The following NBAS variants were observed in gnomAD, a reference collection of about 807,000 sequenced individuals.
NBAS encodes NAG/BC035112 fusion.
A neutral mutation model predicts 302.5 loss-of-function variants in NBAS; 219 were observed. That is an observed-to-expected ratio of 0.72 (90% CI 0.65 to 0.81). NBAS has a LOEUF of 0.81. NBAS is among the 30% of genes least tolerant of loss of function. The probability of loss-of-function intolerance (pLI) is 0.00; values close to 1 mark genes in which losing one functional copy is unlikely to be tolerated. For missense variants in NBAS, 2,932 were observed against 2,841.6 expected, an observed-to-expected ratio of 1.03 and a Z score of -0.72; for synonymous variants, 1,118 against 1,021.6, an observed-to-expected ratio of 1.09 and a Z score of -1.80.
chr2:15,311,218 G>A lies in NBAS; in HGVS notation c.4583-1971C>T, dbSNP rs544375368. ...ATACTCATATTAAGTGAGATAAGCA[G>A]ACTATAAAGTAGCCTCATGTCAGTT... On this transcript the variant is annotated intron_variant, in intron 38 of 51. Coordinates refer to ENST00000281513, the MANE Select transcript of NBAS (RefSeq NM_015909.4). Among the ~76,000 whole-genome samples the A allele has an allele frequency of 9.2e-5, 14 of 152,326 alleles. No homozygotes were observed. In the South Asian group the frequency reaches 2.9e-3, roughly 32 times the overall value.
At chr2:15,496,407 C>T (rs187880997) in intron 11 of NBAS, among the ~76,000 whole-genome samples, 5 of 152,208 alleles carry the variant, frequency 3.3e-5, no homozygotes, top group Admixed American at 2.6e-4. Context: ...TTCTTGAAAT[C>T]ATTGCACAGT....
intron 48 of NBAS, among the ~76,000 whole-genome samples, chr2:15,213,690 A>G (rs1666526106): frequency 6.6e-6 from 1 of 152,192 alleles, no homozygotes; most frequent in Non-Finnish European, 1.5e-5. Flanking sequence ...ACTTTGCAAG[A>G]CAGTTTTAAA....
intron 38 of NBAS, among the ~76,000 whole-genome samples, chr2:15,327,325 A>G (rs759315242): frequency 5.9e-5 from 9 of 152,228 alleles, no homozygotes; most frequent in Non-Finnish European, 7.3e-5. Context: ...TGTCTTCGGT[A>G]AACTTGCATG....
the NBAS span, among the ~76,000 whole-genome samples, chr2:15,116,002 T>C: frequency 6.6e-6 from 1 of 152,188 alleles, no homozygotes; most frequent in Non-Finnish European, 1.5e-5. Context: ...TTAGTTCTCA[T>C]GCAACATCAT....
At chr2:15,240,060 G>C (rs1667790312) in intron 44 of NBAS, among the ~76,000 whole-genome samples, 1 of 152,112 alleles carries the variant, frequency 6.6e-6, no homozygotes. Context: ...GTAGTCTTCT[G>C]TCAGCTACTC....
At chr2:14,873,507 G>C in the NBAS span, among the ~76,000 whole-genome samples, 1 of 152,156 alleles carries the variant, frequency 6.6e-6, no homozygotes, top group Non-Finnish European at 1.5e-5. Flanking sequence ...GTGAGCCACT[G>C]TGCCTGGCCA....
At chr2:15,426,674 G>A (rs1398033597) in intron 22 of NBAS, among the ~76,000 whole-genome samples, 73 of 152,068 alleles carry the variant, frequency 4.8e-4, no homozygotes, top group Non-Finnish European at 4.4e-5. Context: ...TTATCTCCAG[G>A]TAATATTAAT....
chr2:15,547,393 A>G (rs532535247), intron 6 of NBAS, among the ~76,000 whole-genome samples: 1 of 152,360 alleles, frequency 6.6e-6, no homozygotes, highest in South Asian at 2.1e-4. Flanking sequence ...TGAAATGGAA[A>G]GAAGCCATTA....
chr2:15,099,145 A>G, the NBAS span, among the ~76,000 whole-genome samples: 5 of 152,126 alleles, frequency 3.3e-5, no homozygotes, highest in Admixed American at 3.3e-4. Flanking sequence ...TCTACTAAAA[A>G]TACAAAAATT....
the NBAS span, among the ~76,000 whole-genome samples, chr2:15,031,289 T>G: frequency 6.6e-6 from 1 of 152,180 alleles, no homozygotes; most frequent in Non-Finnish European, 1.5e-5. Context: ...GACAAGTTGT[T>G]TAGCATCTCT....
intron 19 of NBAS, 116 bp downstream of exon 19, chr2:15,467,213 A>G: frequency 1.3e-6 from 1 of 789,488 alleles, no homozygotes; most frequent in Admixed American, 2.4e-5. Flanking sequence ...ATAAGAAATT[A>G]ATTTTTCCCA....
intron 44 of NBAS, among the ~76,000 whole-genome samples, chr2:15,274,737 G>T (rs540097249): frequency 2.6e-5 from 4 of 152,028 alleles, no homozygotes; most frequent in East Asian, 3.9e-4. Flanking sequence ...GATATATACT[G>T]CATGATATGA....
intron 44 of NBAS, among the ~76,000 whole-genome samples, chr2:15,250,882 ATGTGGAAAACAG>A (rs1243083825): frequency 2.0e-5 from 3 of 152,186 alleles, no homozygotes; most frequent in Non-Finnish European, 4.4e-5. Context: ...TAGTTCGACC[ATGTGGAAAACAG>A]TGTGGCAATT....
the NBAS span, among the ~76,000 whole-genome samples, chr2:14,913,932 G>A: frequency 1.3e-5 from 2 of 152,172 alleles, no homozygotes; most frequent in South Asian, 4.1e-4. Context: ...TTTTCACACT[G>A]TTGATAAAGA....
intron 48 of NBAS, among the ~76,000 whole-genome samples, chr2:15,213,028 A>G (rs1216842749): frequency 6.6e-6 from 1 of 152,166 alleles, no homozygotes; most frequent in East Asian, 1.9e-4. Context: ...AGGTCCATTT[A>G]TTGGGACCAG....
chr2:15,453,546 G>C (rs1011730500), intron 21 of NBAS, among the ~76,000 whole-genome samples: 1 of 152,100 alleles, frequency 6.6e-6, no homozygotes, highest in Admixed American at 6.6e-5. Flanking sequence ...TAAAATTACT[G>C]TGAAACCAAA....
intron 26 of NBAS, among the ~76,000 whole-genome samples, chr2:15,399,210 G>C (rs1309177521): frequency 6.6e-6 from 1 of 152,084 alleles, no homozygotes; most frequent in Non-Finnish European, 1.5e-5. Context: ...TTGGAAGTCA[G>C]TGATTTTGCC....
At chr2:15,305,332 G>C (rs1369721074) in intron 40 of NBAS, among the ~76,000 whole-genome samples, 1 of 151,798 alleles carries the variant, frequency 6.6e-6, no homozygotes, top group African/African-American at 2.4e-5. Flanking sequence ...AAAGTGCCTT[G>C]GTTCCTGCTC....
At chr2:15,281,622 GA>G (rs1459934901) in intron 42 of NBAS, among the ~76,000 whole-genome samples, 1 of 152,126 alleles carries the variant, frequency 6.6e-6, no homozygotes, top group Non-Finnish European at 1.5e-5. Context: ...AAAATGGGCT[GA>G]AAATAGTCAT....
Sources: allele counts gnomAD v4.1 joint callset (sites outside exome capture counted in the v4.1 genomes callset), GRCh38; gene constraint gnomAD v4.1.1; transcripts MANE v1.5; gene names NCBI Gene and HGNC (gene_info 2026-07-23, HGNC 2026-07-21).